Variants in AACS observed in about 807,000 individuals in gnomAD.
The protein encoded by AACS is acetoacetyl-CoA synthetase.
AACS carries 69 observed loss-of-function variants against 83.1 expected under a neutral mutation model. The ratio of observed to expected loss-of-function variants is 0.83; its 90% CI spans 0.68 to 1.01. The LOEUF (loss-of-function observed/expected upper bound fraction) is 1.01. Among genes scored for constraint, AACS ranks in the 50% least tolerant of loss-of-function variants. AACS has a pLI of 0.00. For synonymous variants in AACS, 333 were observed against 343.4 expected (o/e 0.97, Z 0.33); for missense variants, 866 against 882.2 (o/e 0.98, Z 0.23).
chr12:125,140,716 T>C lies in AACS; in HGVS notation c.1882-1376T>C, dbSNP rs980429728. On this transcript the variant is annotated intron_variant, in intron 17 of 17. Transcript: ENST00000316519. This position sits in a 1 kb window ranked among gnomAD's most constrained non-coding sequence, Gnocchi z 5.1. ...AACACTGCCAAGGGCTCTTCTGGAT[T>C]CAAGGTGAAACACATGTGCCATAAA... 2 of 152,160 alleles carry C rather than the reference T, an allele frequency of 1.3e-5. No homozygotes were observed. Among genetic ancestry groups the C allele is most frequent in the Non-Finnish European group, 2.9e-5 (2 of 68,024 alleles). The allele number at this position is 152,160 out of a possible 1,614,324, so 9.4% of individuals were successfully genotyped here. A position where few individuals can be genotyped will look rare whatever the true frequency, so the allele number is the denominator to read the frequency against.
chr12:125,102,897 TA>T (rs1204442359), intron 6 of AACS, 102 bp from the exon 7 acceptor site: 8 of 1,440,696 alleles, frequency 5.6e-6, no homozygotes, highest in Non-Finnish European at 7.7e-6. Context: ...CAGATTGTGT[TA>T]TATTCTCTGC....
At chr12:125,081,431 G>A (rs995097215) in intron 3 of AACS, among the ~76,000 whole-genome samples, 1 of 152,258 alleles carries the variant, frequency 6.6e-6, no homozygotes, top group Non-Finnish European at 1.5e-5. Context: ...TTATTGGCTC[G>A]GGGGCTTTAA....
chr12:125,080,363 C>G (rs567097691), intron 3 of AACS, among the ~76,000 whole-genome samples: 2 of 152,048 alleles, frequency 1.3e-5, no homozygotes, highest in South Asian at 2.1e-4. Context: ...AAATCTAAAC[C>G]CAAAACTAAA....
rs1262130506 is a variant in AACS at position 125,097,126 on chromosome 12, G to A, written c.571-5553G>A. Reference sequence around the variant, plus strand: ...TGGCCTGCGGAGTAAATGCTGGTGGGACCGGGGTGCCACCTGCCTGCAGAC... The same window carrying A: ...TGGCCTGCGGAGTAAATGCTGGTGGAACCGGGGTGCCACCTGCCTGCAGAC... On this transcript the variant is annotated intron_variant, in intron 5 of 17. Coordinates refer to ENST00000316519, the MANE Select transcript of AACS (RefSeq NM_023928.5). This position sits in a 1 kb window ranked among gnomAD's most constrained non-coding sequence, Gnocchi z 4.3. Among the ~76,000 whole-genome samples, 4 of 152,150 alleles carry A rather than the reference G, an allele frequency of 2.6e-5. No individual in the cohort carries two copies. Among genetic ancestry groups the A allele is most frequent in the African/African-American group, 7.2e-5 (3 of 41,424 alleles).
intron 17 of AACS, among the ~76,000 whole-genome samples, chr12:125,137,206 G>A (rs1957413783): frequency 1.3e-5 from 2 of 152,126 alleles, no homozygotes. Context: ...TTGAGACTGA[G>A]TCTGTCACCC....
chr12:125,103,180 AT>A, intron 7 of AACS, 99 bp downstream of exon 7: 1 of 1,009,660 alleles, frequency 9.9e-7, no homozygotes, highest in Non-Finnish European at 1.5e-6. Context: ...CACTCAGAGA[AT>A]TTTAGAAGTG....
In AACS at chr12:125,124,757, G is replaced by T; in HGVS notation, c.1174G>T (p.Ala392Ser). 6.2e-7 allele frequency: 1 copy of T among 1,614,218 alleles called. No homozygotes were observed. The highest frequency in any genetic ancestry group is 8.5e-7 in the Non-Finnish European group (1 of 1,180,042). ...GTGGCTGTCAGTGCTGGAAGAGAAG[G>T]CCATGAAGCCGGGTGAGTGTGCCTC... ...AKWLSVLEEK[A>S]MKPVETHSLQ... Residue 392 changes from alanine (A) to serine (S), a missense_variant, in exon 11 of 18, where the codon GCC becomes TCC. Coordinates refer to ENST00000316519, the MANE Select transcript of AACS (RefSeq NM_023928.5).
chr12:125,141,696 C>CAA (rs60837088), intron 17 of AACS: 13 of 60,506 alleles, frequency 2.1e-4, no homozygotes, highest in Admixed American at 3.7e-4. Flanking sequence ...GACTCTGTCT[C>CAA]AAAAAAAAAA....
chr12:125,127,382 C>T (rs893222876), intron 12 of AACS: 3 of 152,218 alleles, frequency 2.0e-5, no homozygotes, highest in Non-Finnish European at 4.4e-5. Flanking sequence ...ACATTTTATT[C>T]TCTGCCTGAA....
intron 15 of AACS, 93 bp downstream of exon 15, chr12:125,134,165 A>T: frequency 7.3e-7 from 1 of 1,379,294 alleles, no homozygotes; most frequent in Non-Finnish European, 9.9e-7. Context: ...AAAGTCAGTG[A>T]CCCCCTTCCT....
In AACS at chr12:125,076,626, C is replaced by T. The variant is rs1022498015; in HGVS notation, c.358+15C>T. 3.1e-6 allele frequency: 5 copies of T among 1,613,366 alleles called. No homozygotes were observed. The African/African-American group carries it at 4.0e-5, about 13-fold the overall frequency. On this transcript the variant is annotated intron_variant, in intron 3 of 17. Transcript: ENST00000316519. ...TTACATTGCAAGTAAGTCCTGATGG[C>T]GAGACCTGGGATTTCCTCCGTGGAA...
intron 10 of AACS, chr12:125,123,383 A>T (rs1957187825): frequency 6.6e-6 from 1 of 152,248 alleles, no homozygotes; most frequent in South Asian, 2.1e-4. Context: ...CTCTGAGTTT[A>T]TGAAAGAAGC....
Position 125,114,382 on chromosome 12 carries a change from C to G in AACS, c.916-95C>G, listed in dbSNP as rs377760279. ...AAATGGGGATCTGCTGGGGCTTCTTCCTGGCAGCGTCTGAGCAGCGCGTGG... is the reference window on the plus strand; with the variant it reads ...AAATGGGGATCTGCTGGGGCTTCTTGCTGGCAGCGTCTGAGCAGCGCGTGG... On this transcript the variant is annotated intron_variant, in intron 8 of 17. Transcript: ENST00000316519. The G allele has an allele frequency of 2.8e-5, 27 of 980,370 alleles. 1 individual carries two copies. The African/African-American group carries it at 4.1e-4, about 15-fold the overall frequency. 60.7% of individuals were successfully genotyped at this position (980,370 alleles called of 1,614,324 possible).
At chr12:125,090,230 T>TCCATCCATCCATCCTTCCATTCATC (rs370458772) in intron 4 of AACS, among the ~76,000 whole-genome samples, 3 of 113,348 alleles carry the variant, frequency 2.6e-5, no homozygotes, top group African/African-American at 1.1e-4. Flanking sequence ...CATCCATTTA[T>TCCATCCATCCATCCTTCCATTCATC]TATGCTTCCA....
At chr12:125,095,015 GTGTGTGTGTC>G (rs990666119) in intron 5 of AACS, among the ~76,000 whole-genome samples, 1 of 144,936 alleles carries the variant, frequency 6.9e-6, no homozygotes, top group Non-Finnish European at 1.5e-5. Context: ...GTGTGTGTGT[GTGTGTGTGTC>G]TGTGTGTGTA....
intron 7 of AACS, 65 bp downstream of exon 7, chr12:125,103,146 G>A (rs1956754137): frequency 1.4e-6 from 2 of 1,402,278 alleles, no homozygotes; most frequent in African/African-American, 2.9e-5. Context: ...GGGGAAGTAG[G>A]CCTCTGGATC....
chr12:125,079,385 C>T (rs1956109476), intron 3 of AACS, among the ~76,000 whole-genome samples: 1 of 152,050 alleles, frequency 6.6e-6, no homozygotes, highest in Non-Finnish European at 1.5e-5. Context: ...GCTCTGCGTC[C>T]CCAGGGTCAC....
intron 5 of AACS, chr12:125,102,216 A>C: frequency 6.4e-6 from 1 of 156,538 alleles, no homozygotes; most frequent in Admixed American, 6.3e-5. Flanking sequence ...ATGCCTGGCT[A>C]ATTTTTGTAT....
Position 125,065,568 on chromosome 12 carries a change from G to A in AACS, c.-17G>A. 1 of 1,411,654 alleles carries A rather than the reference G, an allele frequency of 7.1e-7. No homozygotes were observed. The highest frequency in any genetic ancestry group is 9.3e-7 in the Non-Finnish European group (1 of 1,070,358). 87.4% of individuals were successfully genotyped at this position (1,411,654 alleles called of 1,614,324 possible). ...GGTCCCCAGCCCTCGTCGCAGCCCCGGCCGCCCGCCGCCGCCATGTCCAAG... is the reference window on the plus strand; with the variant it reads ...GGTCCCCAGCCCTCGTCGCAGCCCCAGCCGCCCGCCGCCGCCATGTCCAAG... On this transcript the variant is annotated 5_prime_UTR_variant, in exon 1 of 18. Transcript: ENST00000316519.
Sources: gnomAD v4.1 joint callset for allele counts (sites outside exome capture counted in the v4.1 genomes callset) on GRCh38, gnomAD v4.1.1 for gene constraint, Gnocchi (gnomAD v3.1) non-coding constraint, MANE v1.5 for transcripts, NCBI Gene and HGNC (gene_info 2026-07-23, HGNC 2026-07-21) for gene names.